The following CFAP54 variants were observed in gnomAD, a reference collection of about 807,000 sequenced individuals.
CFAP54 encodes the protein cilia- and flagella-associated protein 54.
CFAP54 carries 290 observed loss-of-function variants against 370.4 expected under a neutral mutation model. The observed-to-expected ratio is 0.78, with a 90% confidence interval of 0.71 to 0.86. The LOEUF (loss-of-function observed/expected upper bound fraction) is 0.86. CFAP54 is among the 40% of genes least tolerant of loss of function. The probability of loss-of-function intolerance (pLI) is 0.00; values close to 1 mark genes in which losing one functional copy is unlikely to be tolerated. For missense variants in CFAP54, 3,399 were observed against 3,528.7 expected, an observed-to-expected ratio of 0.96 and a Z score of 0.93; for synonymous variants, 1,206 against 1,236.5, an observed-to-expected ratio of 0.98 and a Z score of 0.52.
At chr12:96,733,968 GC>G (rs1379430923) in intron 50 of CFAP54, among the ~76,000 whole-genome samples, 1 of 152,170 alleles carries the variant, frequency 6.6e-6, no homozygotes, top group Non-Finnish European at 1.5e-5. Flanking sequence ...TAAATGAGGT[GC>G]CTCAGAAATG....
chr12:96,583,494 A>T (rs1382404252), intron 22 of CFAP54, among the ~76,000 whole-genome samples: 1 of 152,218 alleles, frequency 6.6e-6, no homozygotes, highest in African/African-American at 2.4e-5. Flanking sequence ...TGGCTTACTG[A>T]GATAAGAAAA....
intron 43 of CFAP54, among the ~76,000 whole-genome samples, chr12:96,690,023 A>T (rs1957373075): frequency 6.6e-6 from 1 of 152,208 alleles, no homozygotes; most frequent in Non-Finnish European, 1.5e-5. Flanking sequence ...GTGTAAAGGA[A>T]ATGACCCGAC....
At chr12:96,576,812 T>C (rs1955983165) in intron 20 of CFAP54, 51 bp downstream of exon 20, 1 of 1,376,952 alleles carries the variant, frequency 7.3e-7, no homozygotes, top group East Asian at 2.5e-5. Context: ...ATAAGTACTT[T>C]TATAACTACC....
chr12:96,573,355 T>A (rs1955943531), intron 19 of CFAP54, among the ~76,000 whole-genome samples: 1 of 152,210 alleles, frequency 6.6e-6, no homozygotes, highest in Non-Finnish European at 1.5e-5. Flanking sequence ...TCCCTCAAAG[T>A]TTTTCCACAG....
chr12:96,506,668 C>T (rs1955105030), intron 3 of CFAP54, among the ~76,000 whole-genome samples: 1 of 149,906 alleles, frequency 6.7e-6, no homozygotes, highest in African/African-American at 2.5e-5. Flanking sequence ...CTCACTGCAA[C>T]CTCTGCCTCC....
At chr12:96,870,224 G>T (rs973703452) in intron 67 of CFAP54, among the ~76,000 whole-genome samples, 3 of 151,334 alleles carry the variant, frequency 2.0e-5, no homozygotes, top group South Asian at 2.1e-4. Context: ...TCGCACCACC[G>T]CACTCCAGCC....
At chr12:96,511,279 A>T (rs543097075) in intron 4 of CFAP54, among the ~76,000 whole-genome samples, 2 of 152,240 alleles carry the variant, frequency 1.3e-5, no homozygotes, top group Admixed American at 6.5e-5. Flanking sequence ...TAATCAAGTA[A>T]TAGATGTTTT....
intron 40 of CFAP54, among the ~76,000 whole-genome samples, chr12:96,680,716 C>T (rs1380657788): frequency 6.6e-6 from 1 of 151,770 alleles, no homozygotes; most frequent in Non-Finnish European, 1.5e-5. Flanking sequence ...GTTATATTGT[C>T]TGCAGACTCA....
In CFAP54 at chr12:96,521,890, G is replaced by T. The variant is rs955255015; in HGVS notation, c.976G>T (p.Glu326Ter). Residue 326 changes from glutamate to a stop codon, truncating the protein, a stop_gained, in exon 7 of 68, where the codon GAG becomes TAG. Transcript: ENST00000524981. LOFTEE classifies it high-confidence loss of function. ...FARRALAKIDELRQLELMSSS... is the reference protein window; with the variant it reads ...FARRALAKID ...TCGGCGTGCTTTGGCTAAAATTGAT[G>T]AGTTAAGGCAACTGGAATTAATGAG... 6.5e-7 allele frequency: 1 copy of T among 1,531,762 alleles called. No homozygotes were observed. Among genetic ancestry groups the T allele is most frequent in the Non-Finnish European group, 8.7e-7 (1 of 1,143,438 alleles). The allele number at this position is 1,531,762 out of a possible 1,614,324, so 94.9% of individuals were successfully genotyped here.
Position 96,619,632 on chromosome 12 carries a change from G to A in CFAP54, c.3640-1958G>A, listed in dbSNP as rs150614307. 7.6e-3 allele frequency among the ~76,000 whole-genome samples: 1,163 copies of A among 152,092 alleles called. 11 individuals are homozygous for A. Among genetic ancestry groups the A allele is most frequent in the Middle Eastern group, 0.02 (6 of 294 alleles). On this transcript the variant is annotated intron_variant, in intron 26 of 67. Transcript: ENST00000524981. Reference sequence around the variant, plus strand: ...GAATTGGTCCTCTGTTTTTCCTTTGGCTGGAAAAAATTCTTTATCATTTAT... The same window carrying A: ...GAATTGGTCCTCTGTTTTTCCTTTGACTGGAAAAAATTCTTTATCATTTAT...
chr12:96,819,460 C>T (rs765189891), intron 65 of CFAP54, among the ~76,000 whole-genome samples: 33 of 152,164 alleles, frequency 2.2e-4, no homozygotes, highest in Admixed American at 7.2e-4. Context: ...ATGCTGAAAG[C>T]CAGAAATTAT....
At chr12:96,566,432 T>G (rs1955865846) in intron 19 of CFAP54, among the ~76,000 whole-genome samples, 1 of 152,190 alleles carries the variant, frequency 6.6e-6, no homozygotes, top group Non-Finnish European at 1.5e-5. Flanking sequence ...TATCCTGATG[T>G]GGTGTTCTTA....
At chr12:96,851,225 T>C (rs1411208540) in intron 66 of CFAP54, among the ~76,000 whole-genome samples, 1 of 152,060 alleles carries the variant, frequency 6.6e-6, no homozygotes, top group Non-Finnish European at 1.5e-5. Flanking sequence ...TGAAATAAAT[T>C]TACATTTTCA....
intron 8 of CFAP54, among the ~76,000 whole-genome samples, chr12:96,526,722 A>T (rs2136373922): frequency 6.6e-6 from 1 of 152,300 alleles, no homozygotes; most frequent in African/African-American, 2.4e-5. Flanking sequence ...ACACAAGCAT[A>T]TGAAGAAACA....
At chr12:96,640,797 A>T (rs1956717928) in intron 32 of CFAP54, among the ~76,000 whole-genome samples, 1 of 152,208 alleles carries the variant, frequency 6.6e-6, no homozygotes, top group Non-Finnish European at 1.5e-5. Context: ...CTGATCTTTG[A>T]CAAACCTGAG....
rs34080505 is a variant in CFAP54 at position 96,526,885 on chromosome 12, G to GTTTTTT, written c.1159-343_1159-338dup. 8.5e-4 allele frequency among the ~76,000 whole-genome samples: 83 copies of GTTTTTT among 97,682 alleles called. 2 individuals are homozygous for GTTTTTT. Among genetic ancestry groups the GTTTTTT allele is most frequent in the African/African-American group, 1.2e-3 (31 of 24,802 alleles). The allele number at this position is 97,682 out of a possible 152,430, so 64.1% of individuals were successfully genotyped here. A position where few individuals can be genotyped will look rare whatever the true frequency, so the allele number is the denominator to read the frequency against. On this transcript the variant is annotated intron_variant, in intron 8 of 67. Transcript: ENST00000524981. ...CTTACTTTTCTTTGCCTTATAACAGGTTTTTTTTTTTTTTTTTTTTTTTGC... is the reference window on the plus strand; with the variant it reads ...CTTACTTTTCTTTGCCTTATAACAGGTTTTTTTTTTTTTTTTTTTTTTTTTTTTTGC...
chr12:96,564,077 A>G (rs1212298945), intron 17 of CFAP54, among the ~76,000 whole-genome samples: 1 of 152,200 alleles, frequency 6.6e-6, no homozygotes, highest in Non-Finnish European at 1.5e-5. Flanking sequence ...TGGATGAAAC[A>G]GTTTTTCTAG....
chr12:96,614,789 A>C (rs1057093540), intron 26 of CFAP54, among the ~76,000 whole-genome samples: 1 of 152,222 alleles, frequency 6.6e-6, no homozygotes, highest in Non-Finnish European at 1.5e-5. Flanking sequence ...AATACCTAGA[A>C]ATACAACTTA....
intron 65 of CFAP54, among the ~76,000 whole-genome samples, chr12:96,822,600 C>T (rs1959045695): frequency 6.6e-6 from 1 of 152,070 alleles, no homozygotes. Context: ...CGAGTATGGC[C>T]ATAGGTACCC....
Sources: allele counts gnomAD v4.1 joint callset (sites outside exome capture counted in the v4.1 genomes callset), GRCh38; gene constraint gnomAD v4.1.1; transcripts MANE v1.5; gene names NCBI Gene and HGNC (gene_info 2026-07-23, HGNC 2026-07-21).